SIK2: variants seen among roughly 807,000 people sequenced by gnomAD.
SIK2 encodes serine/threonine-protein kinase SIK2.
A neutral mutation model predicts 103.2 loss-of-function variants in SIK2; 29 were observed. The ratio of observed to expected loss-of-function variants is 0.28; its 90% CI spans 0.21 to 0.38. The LOEUF is 0.38. Among genes scored for constraint, SIK2 ranks in the 10% least tolerant of loss-of-function variants. The probability of loss-of-function intolerance (pLI) is 1.00; values close to 1 mark genes in which losing one functional copy is unlikely to be tolerated. For synonymous variants in SIK2, 412 were observed against 446.1 expected (o/e 0.92, Z 0.96); for missense variants, 879 against 1,171.0 (o/e 0.75, Z 3.64).
intron 3 of SIK2, among the ~76,000 whole-genome samples, chr11:111,672,612 T>A (rs1421746789): frequency 6.6e-6 from 1 of 152,106 alleles, no homozygotes; most frequent in Non-Finnish European, 1.5e-5. Context: ...GGAAGGAAGA[T>A]GGTGGAAAAG....
intron 3 of SIK2, among the ~76,000 whole-genome samples, chr11:111,686,151 A>G (rs1427598962): frequency 6.6e-6 from 1 of 152,192 alleles, no homozygotes; most frequent in Non-Finnish European, 1.5e-5. Context: ...TAAATTTTAT[A>G]GTAAGTAGGC....
At chr11:111,657,463 C>A (rs1942405698) in intron 3 of SIK2, among the ~76,000 whole-genome samples, 1 of 152,270 alleles carries the variant, frequency 6.6e-6, no homozygotes. Context: ...AGCCATGGCT[C>A]ACTGCAGCCT....
At chr11:111,655,294 C>A (rs1942377536) in intron 3 of SIK2, among the ~76,000 whole-genome samples, 1 of 152,076 alleles carries the variant, frequency 6.6e-6, no homozygotes, top group Admixed American at 6.5e-5. Flanking sequence ...CCCAGCTACT[C>A]AAGAGGCTGA....
chr11:111,710,009 G>A lies in SIK2; in HGVS notation c.1102-2202G>A, dbSNP rs575377232. On this transcript the variant is annotated intron_variant, in intron 8 of 14. Coordinates refer to ENST00000304987, the MANE Select transcript of SIK2 (RefSeq NM_015191.3). Reference sequence around the variant, plus strand: ...TTCCATATAGCACCCCCAGTCATGCGTTGCCCTAATAATTCAGACTACCTT... The same window carrying A: ...TTCCATATAGCACCCCCAGTCATGCATTGCCCTAATAATTCAGACTACCTT... 2.0e-4 allele frequency among the ~76,000 whole-genome samples: 30 copies of A among 152,324 alleles called. No homozygotes were observed. In the East Asian group the frequency reaches 2.7e-3, roughly 14 times the overall value.
chr11:111,721,219 G>A (rs1237863736), intron 12 of SIK2, among the ~76,000 whole-genome samples, 157 bp downstream of exon 12: 1 of 152,170 alleles, frequency 6.6e-6, no homozygotes, highest in Non-Finnish European at 1.5e-5. Context: ...GCTGCCACCT[G>A]CCACTGACGG....
rs1943922008 is a variant in SIK2, at chr11:111,724,932, T to C, written c.*803T>C. On this transcript the variant is annotated 3_prime_UTR_variant, in exon 15 of 15. Coordinates refer to ENST00000304987, the MANE Select transcript of SIK2 (RefSeq NM_015191.3). ...AAGAACGCATCAAGAGCACCAGCCC[T>C]GGGCCAGGGAAGACAGGCTCTTCCT... The C allele has an allele frequency of 6.6e-6, 1 of 152,338 alleles. No homozygotes were observed. Among genetic ancestry groups the C allele is most frequent in the Admixed American group, 6.5e-5 (1 of 15,284 alleles). 9.4% of individuals were successfully genotyped at this position (152,338 alleles called of 1,614,324 possible). A position where few individuals can be genotyped will look rare whatever the true frequency, so the allele number is the denominator to read the frequency against.
chr11:111,673,306 C>G (rs1942653739), intron 3 of SIK2, among the ~76,000 whole-genome samples: 1 of 152,234 alleles, frequency 6.6e-6, no homozygotes, highest in African/African-American at 2.4e-5. Context: ...GCTACATGGT[C>G]ACAAGGTTTG....
chr11:111,719,095 C>T (rs1346366613), intron 9 of SIK2, among the ~76,000 whole-genome samples: 2 of 152,158 alleles, frequency 1.3e-5, no homozygotes, highest in Non-Finnish European at 2.9e-5. Flanking sequence ...GCTTATTAGC[C>T]TCTGCTGGAA....
chr11:111,676,088 G>A (rs1405810142), intron 3 of SIK2, among the ~76,000 whole-genome samples: 1 of 152,164 alleles, frequency 6.6e-6, no homozygotes, highest in Non-Finnish European at 1.5e-5. Flanking sequence ...GCAAAGGATA[G>A]TATTTCCTCC....
intron 8 of SIK2, among the ~76,000 whole-genome samples, chr11:111,708,469 T>C (rs1382186215): frequency 3.3e-5 from 5 of 152,232 alleles, no homozygotes; most frequent in African/African-American, 1.2e-4. Context: ...TTTGGAGTGC[T>C]TATGTTTGCT....
chr11:111,638,341 C>T (rs1360896289), intron 3 of SIK2, among the ~76,000 whole-genome samples: 1 of 152,156 alleles, frequency 6.6e-6, no homozygotes, highest in Admixed American at 6.5e-5. Context: ...AATCAGGGCA[C>T]TCACCCAGTC....
intron 1 of SIK2, among the ~76,000 whole-genome samples, chr11:111,606,766 AGTAGTGTATTTTTATTACCAAATCT>A (rs1275097695): frequency 3.3e-5 from 5 of 152,090 alleles, no homozygotes; most frequent in African/African-American, 1.2e-4. Flanking sequence ...TACATTAAAG[AGTAGTGTATTTTTATTACCAAATCT>A]GTCGTGTTTA....
intron 4 of SIK2, among the ~76,000 whole-genome samples, chr11:111,696,981 A>C (rs1377541603): frequency 2.0e-5 from 3 of 152,224 alleles, no homozygotes; most frequent in Admixed American, 1.3e-4. Flanking sequence ...TGAAGAAATT[A>C]AAAGGCTCTT....
chr11:111,652,297 T>C (rs936357438), intron 3 of SIK2, among the ~76,000 whole-genome samples: 3 of 152,178 alleles, frequency 2.0e-5, no homozygotes, highest in Admixed American at 6.5e-5. Context: ...AATGAATTGC[T>C]TCTGAGTTTT....
At chr11:111,620,537 T>G (rs1478457860) in intron 3 of SIK2, 135 bp downstream of exon 3, 1 of 588,370 alleles carries the variant, frequency 1.7e-6, no homozygotes, top group African/African-American at 1.9e-5. Context: ...TTAGAAAATA[T>G]TCAGTAACCT....
chr11:111,680,408 G>GT (rs893767975), intron 3 of SIK2, among the ~76,000 whole-genome samples: 139 of 151,160 alleles, frequency 9.2e-4, no homozygotes, highest in African/African-American at 3.2e-3. Context: ...ATTTAATTGA[G>GT]TTTTTTTTTA....
chr11:111,649,066 T>A (rs1942295459), intron 3 of SIK2, among the ~76,000 whole-genome samples: 1 of 152,248 alleles, frequency 6.6e-6, no homozygotes, highest in Non-Finnish European at 1.5e-5. Flanking sequence ...AGGCTACACA[T>A]ATTTTATAAT....
intron 3 of SIK2, among the ~76,000 whole-genome samples, chr11:111,623,771 A>G (rs1015899013): frequency 2.0e-5 from 3 of 152,152 alleles, no homozygotes; most frequent in Non-Finnish European, 2.9e-5. Flanking sequence ...ACGTGAGCCA[A>G]TCAGCACTCT....
At position 111,624,738 on chromosome 11, in the gene SIK2, T is replaced by C. The variant is rs532431359; in HGVS notation, c.316+4336T>C. Among the ~76,000 whole-genome samples the C allele has an allele frequency of 2.0e-4, 31 of 152,320 alleles. 3 individuals are homozygous for C. The South Asian group carries it at 3.5e-3, about 17-fold the overall frequency. The stretch of plus-strand genomic sequence containing the variant: ...GTAGATTAGATAGTGATGAGTGCTA[T>C]GTAAATAATAAAGCAAGGCTGGTTG... On this transcript the variant is annotated intron_variant, in intron 3 of 14. Coordinates refer to ENST00000304987, the MANE Select transcript of SIK2 (RefSeq NM_015191.3).
Sources: allele counts gnomAD v4.1 joint callset (sites outside exome capture counted in the v4.1 genomes callset), GRCh38; gene constraint gnomAD v4.1.1; transcripts MANE v1.5; gene names NCBI Gene and HGNC (gene_info 2026-07-23, HGNC 2026-07-21).